WDR70: variants seen among roughly 807,000 people sequenced by gnomAD.
The protein encoded by WDR70 is WD repeat-containing protein 70.
WDR70 carries 53 observed loss-of-function variants against 88.6 expected under a neutral mutation model. The observed-to-expected ratio is 0.60, with a 90% CI of 0.48 to 0.75. The LOEUF (loss-of-function observed/expected upper bound fraction) is 0.75. Ranked by LOEUF, WDR70 falls within the 30% of genes least tolerant of loss-of-function variation. The pLI, the probability that WDR70 is intolerant of heterozygous loss-of-function variation, is 0.00. For synonymous variants in WDR70, 280 were observed against 270.0 expected (o/e 1.04, Z -0.36); for missense variants, 610 against 823.2 (o/e 0.74, Z 3.17).
chr5:37,673,901 G>A (rs1261243497), intron 10 of WDR70, among the ~76,000 whole-genome samples: 2 of 151,856 alleles, frequency 1.3e-5, no homozygotes, highest in Non-Finnish European at 2.9e-5. Flanking sequence ...GTTTGCTAAG[G>A]ATAATGGCCT....
chr5:37,516,038 A>G (rs943976972), intron 8 of WDR70, among the ~76,000 whole-genome samples: 2 of 152,226 alleles, frequency 1.3e-5, no homozygotes, highest in South Asian at 2.1e-4. Flanking sequence ...GAGGCATTGT[A>G]GAATCAAGGT....
chr5:37,593,367 T>A (rs1476900012), intron 9 of WDR70, among the ~76,000 whole-genome samples: 3 of 152,138 alleles, frequency 2.0e-5, no homozygotes, highest in Admixed American at 2.0e-4. Flanking sequence ...TTCTCATTGT[T>A]CAATTCCCAC....
At chr5:37,448,810 C>G (rs1402138363) in intron 7 of WDR70, among the ~76,000 whole-genome samples, 1 of 152,016 alleles carries the variant, frequency 6.6e-6, no homozygotes, top group Non-Finnish European at 1.5e-5. Flanking sequence ...TAGTCCCTGA[C>G]TGTTTCTCAG....
chr5:37,582,544 G>A (rs976383494), intron 9 of WDR70, among the ~76,000 whole-genome samples: 1 of 152,200 alleles, frequency 6.6e-6, no homozygotes, highest in African/African-American at 2.4e-5. Flanking sequence ...GGTTGACCTG[G>A]ATTAGAATCC....
rs187776093 is a variant in WDR70, at chr5:37,689,816, G to A, written c.1093-7839G>A. Among the ~76,000 whole-genome samples, 392 of 152,278 alleles carry A rather than the reference G, an allele frequency of 2.6e-3. 2 individuals are homozygous for A. The highest frequency in any genetic ancestry group is 8.9e-3 in the African/African-American group (368 of 41,554). On this transcript the variant is annotated intron_variant, in intron 10 of 17. Transcript: ENST00000265107. Reference sequence around the variant, plus strand: ...GAGTGCCTCTTCTCCTCCAAAGATCGCAGCTCCTCGCCAGCAATGGAACAA... The same window carrying A: ...GAGTGCCTCTTCTCCTCCAAAGATCACAGCTCCTCGCCAGCAATGGAACAA...
chr5:37,384,933 C>T (rs527929612), intron 3 of WDR70, among the ~76,000 whole-genome samples: 2 of 152,286 alleles, frequency 1.3e-5, no homozygotes, highest in Non-Finnish European at 2.9e-5. Context: ...AATCTCAATT[C>T]ACAGGTTGTG....
chr5:37,446,229 C>A (rs1222500008), intron 7 of WDR70, among the ~76,000 whole-genome samples: 1 of 152,134 alleles, frequency 6.6e-6, no homozygotes, highest in Non-Finnish European at 1.5e-5. Context: ...ATGCAACTTA[C>A]AAGGGATGTG....
intron 6 of WDR70, among the ~76,000 whole-genome samples, chr5:37,438,968 A>G (rs1345264991): frequency 1.3e-5 from 2 of 148,938 alleles, no homozygotes; most frequent in Admixed American, 6.8e-5. Flanking sequence ...CCTAGGCTGG[A>G]GTGCAGTGGT....
At chr5:37,440,687 C>T (rs1561853104) in intron 6 of WDR70, among the ~76,000 whole-genome samples, 2 of 152,262 alleles carry the variant, frequency 1.3e-5, no homozygotes, top group Non-Finnish European at 2.9e-5. Flanking sequence ...TCCTTCATAT[C>T]GTTTTGGTAA....
At chr5:37,639,301 T>C (rs547133849) in intron 10 of WDR70, among the ~76,000 whole-genome samples, 1 of 152,310 alleles carries the variant, frequency 6.6e-6, no homozygotes, top group South Asian at 2.1e-4. Flanking sequence ...TGGAAATTAT[T>C]ATCCATCTCT....
intron 10 of WDR70, among the ~76,000 whole-genome samples, chr5:37,629,443 T>C (rs1744754663): frequency 6.6e-6 from 1 of 152,206 alleles, no homozygotes; most frequent in African/African-American, 2.4e-5. Context: ...TGATATCTCA[T>C]AAATCCTTTA....
At chr5:37,621,498 A>G (rs1744504317) in intron 10 of WDR70, among the ~76,000 whole-genome samples, 1 of 152,086 alleles carries the variant, frequency 6.6e-6, no homozygotes, top group African/African-American at 2.4e-5. Context: ...ACACATTCTC[A>G]TGTGTCATTT....
rs114822965 is a variant in WDR70 at position 37,393,537 on chromosome 5, C to T, written c.296+1417C>T. On this transcript the variant is annotated intron_variant, in intron 4 of 17. Transcript: ENST00000265107. ...TCTTAGTACTGTTTTCTTTGTTTTC[C>T]GTAGGTTCTGATATGTTTTGTTTCC... is the stretch of plus-strand genomic sequence containing the variant. Among the ~76,000 whole-genome samples the T allele has an allele frequency of 9.8e-3, 1,478 of 151,496 alleles. 16 individuals are homozygous for T. Among genetic ancestry groups the T allele is most frequent in the Non-Finnish European group, 0.016 (1,067 of 67,896 alleles).
At position 37,646,237 on chromosome 5, in the gene WDR70, AAAAC is replaced by A. The variant is rs574542580; in HGVS notation, c.1092+41007_1092+41010del. 2.3e-3 allele frequency among the ~76,000 whole-genome samples: 350 copies of A among 152,266 alleles called. 1 individual carries two copies. Among genetic ancestry groups the A allele is most frequent in the African/African-American group, 8.1e-3 (336 of 41,580 alleles). On this transcript the variant is annotated intron_variant, in intron 10 of 17. Transcript: ENST00000265107. ...AACACTGATCTCATAAATAAACTAA[AAAAC>A]AAACAAAGAGAAGACCAATAAACTC...
At chr5:37,571,483 ATTATT>A (rs1457044106) in intron 9 of WDR70, among the ~76,000 whole-genome samples, 1 of 152,174 alleles carries the variant, frequency 6.6e-6, no homozygotes, top group Non-Finnish European at 1.5e-5. Flanking sequence ...CTTCTGGAGG[ATTATT>A]TTAAGTCCAT....
intron 8 of WDR70, among the ~76,000 whole-genome samples, chr5:37,494,456 T>G (rs1285337808): frequency 6.6e-6 from 1 of 152,052 alleles, no homozygotes; most frequent in Non-Finnish European, 1.5e-5. Context: ...ACGGTGACTG[T>G]GGGGGAGAAC....
chr5:37,563,490 C>T (rs1186282331), intron 9 of WDR70, among the ~76,000 whole-genome samples: 2 of 61,460 alleles, frequency 3.3e-5, no homozygotes, highest in African/African-American at 4.8e-5. Context: ...TCCTCACTTC[C>T]CAGTAGGGGC....
Position 37,701,063 on chromosome 5 carries a change from G to A in WDR70, c.1198G>A (p.Asp400Asn), listed in dbSNP as rs575834539. The A allele has an allele frequency of 1.3e-5, 21 of 1,607,230 alleles. No homozygotes were observed. Among genetic ancestry groups the A allele is most frequent in the Admixed American group, 1.2e-4 (7 of 59,954 alleles). Residue 400 changes from aspartate to asparagine, a missense_variant, in exon 12 of 18, where the codon GAT becomes AAT. Physicochemically the swap from Asp to Asn is conservative, Grantham distance 23. This residue lies in a region of WDR70 where 254 missense variants were observed against 300.7 expected (regional missense o/e 0.84). Coordinates refer to ENST00000265107, the MANE Select transcript of WDR70 (RefSeq NM_018034.4). ...TCCCCTCATTCCTCTGTCAGGTGAC[G>A]ATTCATTAAAATTATGGGACATCCG... ...GNVLASRGGD[D>N]SLKLWDIRQF... is the part of the protein sequence containing the mutation.
At chr5:37,663,573 T>C (rs1210056285) in intron 10 of WDR70, among the ~76,000 whole-genome samples, 1 of 152,206 alleles carries the variant, frequency 6.6e-6, no homozygotes, top group Non-Finnish European at 1.5e-5. Flanking sequence ...ATTCATCTCA[T>C]TGGGTGTTTT....
Sources: gnomAD v4.1 joint callset for allele counts (sites outside exome capture counted in the v4.1 genomes callset) on GRCh38, gnomAD v4.1.1 for gene constraint, gnomAD v4.1.1 regional missense constraint, MANE v1.5 for transcripts, NCBI Gene and HGNC (gene_info 2026-07-23, HGNC 2026-07-21) for gene names.